The following TEKT5 variants were observed in gnomAD, a reference collection of about 807,000 sequenced individuals.
TEKT5 encodes the protein tektin-5.
Under a neutral mutation model 48.7 loss-of-function variants are expected in TEKT5, and 52 were observed. The observed-to-expected ratio is 1.07, with a 90% CI of 0.86 to 1.35. The LOEUF (loss-of-function observed/expected upper bound fraction) is 1.35, where lower values mean the gene tolerates loss of function less well. Ranked by LOEUF, TEKT5 falls within the 40% of genes most tolerant of loss-of-function variation. The probability of loss-of-function intolerance (pLI) is 0.00; values close to 1 mark genes in which losing one functional copy is unlikely to be tolerated. For missense variants in TEKT5, 831 were observed against 641.6 expected (o/e 1.30, Z -3.19); for synonymous variants, 318 against 267.6 (o/e 1.19, Z -1.84).
intron 1 of TEKT5, among the ~76,000 whole-genome samples, chr16:10,692,063 T>TGC (rs1898989686): frequency 6.6e-6 from 1 of 152,050 alleles, no homozygotes; most frequent in South Asian, 2.1e-4. Flanking sequence ...TGGCTTACAT[T>TGC]GCGCAGGGAG....
In TEKT5 at chr16:10,689,269, T is replaced by C; in HGVS notation, c.703A>G (p.Ile235Val). 7 of 1,610,698 alleles carry C rather than the reference T, an allele frequency of 4.3e-6. No individual in the cohort carries two copies. Among genetic ancestry groups the C allele is most frequent in the Non-Finnish European group, 5.9e-6 (7 of 1,179,120 alleles). The part of the protein sequence containing the change: ...QEQMRKLAQR[I>V]DIQMRDNRDA... Reference sequence around the variant, plus strand: ...AGCCCTTACCGCATCTGGATATCAATTCTTTGAGCTAATTTTCTCATCTGT... The same window carrying C: ...AGCCCTTACCGCATCTGGATATCAACTCTTTGAGCTAATTTTCTCATCTGT... The change falls in exon 3 of 7, where the codon ATT becomes GTT. Residue 235 changes from isoleucine to valine, a missense_variant. Transcript: ENST00000283025.
rs147771395 is a variant in TEKT5, at chr16:10,682,080, G to A, written c.776C>T (p.Ala259Val). 7 of 1,614,060 alleles carry A rather than the reference G, an allele frequency of 4.3e-6. No homozygotes were observed. Among genetic ancestry groups the A allele is most frequent in the Non-Finnish European group, 5.1e-6 (6 of 1,180,040 alleles). ...LERDLEDKSS[A>V]QCIDEKCFNL... The stretch of plus-strand genomic sequence containing the variant: ...AAAGCACTTCTCATCGATACACTGG[G>A]CCGAGCTTTTGTCTTCGAGGTCCCT... The change falls in exon 4 of 7, where the codon GCC becomes GTC. Residue 259 changes from alanine to valine, a missense_variant. Physicochemically the swap from Ala to Val is moderately conservative, Grantham distance 64. Transcript: ENST00000283025.
At chr16:10,681,933 G>A (rs1321667647) in intron 4 of TEKT5, 60 bp downstream of exon 4, 1 of 1,584,608 alleles carries the variant, frequency 6.3e-7, no homozygotes, top group Non-Finnish European at 8.6e-7. Context: ...GTTGGCAGGA[G>A]CAGAAGCCCT....
intron 6 of TEKT5, among the ~76,000 whole-genome samples, chr16:10,630,162 G>A (rs1030544885): frequency 1.4e-4 from 21 of 151,902 alleles, no homozygotes; most frequent in African/African-American, 3.4e-4. Context: ...TCAAACTCCC[G>A]GGCTCAAGCA....
At chr16:10,638,223 T>G (rs553869361) in intron 5 of TEKT5, among the ~76,000 whole-genome samples, 25 of 152,342 alleles carry the variant, frequency 1.6e-4, no homozygotes, top group Admixed American at 1.2e-3. Flanking sequence ...ATGCATTTAT[T>G]CCAGAAGGAA....
chr16:10,684,521 C>G (rs1898820390), intron 3 of TEKT5, among the ~76,000 whole-genome samples: 1 of 151,930 alleles, frequency 6.6e-6, no homozygotes, highest in Non-Finnish European at 1.5e-5. Context: ...CGGGTCATGT[C>G]GGAGCAGGAG....
intron 5 of TEKT5, among the ~76,000 whole-genome samples, chr16:10,659,367 T>C (rs1347618675): frequency 6.6e-6 from 1 of 152,222 alleles, no homozygotes; most frequent in African/African-American, 2.4e-5. Flanking sequence ...TGCTGTGTTA[T>C]ACCTTATTTA....
chr16:10,654,901 A>C (rs1596407073), intron 5 of TEKT5, among the ~76,000 whole-genome samples: 5 of 139,790 alleles, frequency 3.6e-5, no homozygotes, highest in East Asian at 2.2e-4. Context: ...AGTGTCTGCC[A>C]CCATGCCATG....
intron 5 of TEKT5, among the ~76,000 whole-genome samples, chr16:10,636,890 C>T (rs763246418): frequency 7.9e-5 from 12 of 151,746 alleles, no homozygotes; most frequent in Non-Finnish European, 1.5e-4. Flanking sequence ...GATCTGGGCT[C>T]ACTGCAAACT....
At chr16:10,678,100 G>A (rs1369181193) in intron 4 of TEKT5, among the ~76,000 whole-genome samples, 1 of 152,086 alleles carries the variant, frequency 6.6e-6, no homozygotes, top group Non-Finnish European at 1.5e-5. Flanking sequence ...TTTGAGGAAG[G>A]GCATGCATTT....
chr16:10,675,010 G>A (rs11863443), intron 5 of TEKT5, among the ~76,000 whole-genome samples: 1 of 152,008 alleles, frequency 6.6e-6, no homozygotes, highest in Non-Finnish European at 1.5e-5. Flanking sequence ...ATTTTTAGTA[G>A]AGCCAGGGTT....
At chr16:10,689,419 G>T in intron 2 of TEKT5, 96 bp from the exon 3 acceptor site, 2 of 1,014,604 alleles carry the variant, frequency 2.0e-6, no homozygotes, top group Non-Finnish European at 1.5e-6. Context: ...CCCTCTCACT[G>T]ACCACCCTCG....
At chr16:10,633,724 T>C (rs1232147147) in intron 6 of TEKT5, among the ~76,000 whole-genome samples, 4 of 152,096 alleles carry the variant, frequency 2.6e-5, no homozygotes, top group Non-Finnish European at 5.9e-5. Context: ...TGTATTTTAT[T>C]TTTTAGAGAT....
chr16:10,672,085 G>A (rs1391975904), intron 5 of TEKT5, among the ~76,000 whole-genome samples: 3 of 152,154 alleles, frequency 2.0e-5, no homozygotes, highest in Admixed American at 6.5e-5. Context: ...GAGATGGATT[G>A]TGGTGATGGA....
chr16:10,660,669 G>C (rs1200076119), intron 5 of TEKT5, among the ~76,000 whole-genome samples: 2 of 29,246 alleles, frequency 6.8e-5, no homozygotes, highest in Non-Finnish European at 2.6e-4. Context: ...GGCTGTGTGT[G>C]TGTGTGTGTG....
chr16:10,650,267 A>C (rs1366540677), intron 5 of TEKT5, among the ~76,000 whole-genome samples: 1 of 151,546 alleles, frequency 6.6e-6, no homozygotes, highest in Non-Finnish European at 1.5e-5. Flanking sequence ...GGCCCGGCTG[A>C]TTTTTGTATT....
chr16:10,665,002 C>T (rs866229024), intron 5 of TEKT5, among the ~76,000 whole-genome samples: 43 of 152,174 alleles, frequency 2.8e-4, no homozygotes, highest in Admixed American at 1.2e-3. Flanking sequence ...ACTTTGGCCA[C>T]ACAGCCAGGA....
chr16:10,639,841 G>T (rs945523146), intron 5 of TEKT5, among the ~76,000 whole-genome samples: 2 of 152,110 alleles, frequency 1.3e-5, no homozygotes, highest in Non-Finnish European at 2.9e-5. Flanking sequence ...GAGGGTCCAG[G>T]CCCACCTGTC....
At chr16:10,660,000 C>G (rs886139741) in intron 5 of TEKT5, among the ~76,000 whole-genome samples, 3 of 152,170 alleles carry the variant, frequency 2.0e-5, no homozygotes, top group African/African-American at 7.2e-5. Flanking sequence ...CTCCACCACT[C>G]TCAATACGTA....
Sources: gnomAD v4.1 joint callset for allele counts (sites outside exome capture counted in the v4.1 genomes callset) on GRCh38, gnomAD v4.1.1 for gene constraint, MANE v1.5 for transcripts, NCBI Gene and HGNC (gene_info 2026-07-23, HGNC 2026-07-21) for gene names.